Variants in THAP8 observed in about 807,000 individuals in gnomAD.
The protein encoded by THAP8 is THAP domain-containing protein 8.
THAP8 carries 24 observed loss-of-function variants against 25.0 expected under a neutral mutation model. That is an observed-to-expected ratio of 0.96 (90% confidence interval 0.69 to 1.35). The LOEUF is 1.35. THAP8 is among the 40% of genes most tolerant of loss of function. The pLI is 0.00. For missense variants in THAP8, 399 were observed against 368.8 expected (o/e 1.08, Z -0.67); for synonymous variants, 169 against 157.6 (o/e 1.07, Z -0.54).
chr19:36,048,519 C>T (rs1969950263), intron 1 of THAP8, among the ~76,000 whole-genome samples: 1 of 152,094 alleles, frequency 6.6e-6, no homozygotes, highest in Non-Finnish European at 1.5e-5. Flanking sequence ...GCGTGTGCCA[C>T]CACGCCTGGC....
Position 36,035,605 on chromosome 19 carries a change from A to G in THAP8, c.673-13T>C. 6.2e-7 allele frequency: 1 copy of G among 1,609,262 alleles called. No individual in the cohort carries two copies. The highest frequency in any genetic ancestry group is 8.5e-7 in the Non-Finnish European group (1 of 1,176,232). ...TCTGGGCTGTTGTCTAAGGCAAAGA[A>G]GTGGTAGAGATGGGGAACATTACGA... On this transcript the variant is annotated splice_polypyrimidine_tract_variant and intron_variant, in intron 3 of 3. Transcript: ENST00000292894.
intron 1 of THAP8, 96 bp downstream of exon 1, chr19:36,054,039 A>T (rs1363756461): frequency 2.1e-6 from 3 of 1,403,968 alleles, no homozygotes; most frequent in Non-Finnish European, 2.9e-6. Context: ...AACACCCTCA[A>T]GCAAGACCAG....
intron 3 of THAP8, among the ~76,000 whole-genome samples, chr19:36,037,933 C>T (rs780363090): frequency 3.3e-5 from 5 of 151,948 alleles, no homozygotes; most frequent in Middle Eastern, 3.4e-3. Flanking sequence ...CCACCACACC[C>T]GGCCTTTTTT....
In THAP8 at chr19:36,039,544, G is replaced by C; in HGVS notation, c.451C>G (p.Leu151Val). The stretch of plus-strand genomic sequence containing the variant: ...CGCTCAGGAGTTGGCGCAGGGGCCA[G>C]GGGGGTCAGGAGCATGGTGGCCACA... Reference protein sequence around the residue: ...KTVATMLLTPLAPAPTPERSQ... With the variant: ...KTVATMLLTPVAPAPTPERSQ... Residue 151 changes from leucine (L) to valine (V), a missense_variant, in exon 3 of 4, where the codon CTG becomes GTG. Coordinates refer to ENST00000292894, the MANE Select transcript of THAP8 (RefSeq NM_152658.3). 1 of 1,534,444 alleles carries C rather than the reference G, an allele frequency of 6.5e-7. No homozygotes were observed. Among genetic ancestry groups the C allele is most frequent in the Non-Finnish European group, 8.8e-7 (1 of 1,136,446 alleles).
intron 1 of THAP8, among the ~76,000 whole-genome samples, chr19:36,053,174 T>A (rs999752613): frequency 6.6e-6 from 1 of 151,944 alleles, no homozygotes; most frequent in Non-Finnish European, 1.5e-5. Flanking sequence ...TTCATGCGAT[T>A]CTCCTGCCTC....
chr19:36,044,166 C>T (rs1329229917), intron 1 of THAP8, among the ~76,000 whole-genome samples: 1 of 152,152 alleles, frequency 6.6e-6, no homozygotes, highest in African/African-American at 2.4e-5. Flanking sequence ...TCCTTAGCAG[C>T]TGCCAGAAAC....
Position 36,048,076 on chromosome 19 carries a change from A to G in THAP8, c.83+6059T>C, listed in dbSNP as rs1404133490. Among the ~76,000 whole-genome samples the G allele has an allele frequency of 2.0e-5, 3 of 152,190 alleles. No individual in the cohort carries two copies. The East Asian group carries it at 5.8e-4, about 29-fold the overall frequency. ...TGAAAGTGACACAGGCCACTTCTAAATATGAAATTGACCAAGAGCCACTGG... is the reference window on the plus strand; with the variant it reads ...TGAAAGTGACACAGGCCACTTCTAAGTATGAAATTGACCAAGAGCCACTGG... On this transcript the variant is annotated intron_variant, in intron 1 of 3. Transcript: ENST00000292894.
chr19:36,053,073 A>AT (rs940837997), intron 1 of THAP8, among the ~76,000 whole-genome samples: 5 of 149,898 alleles, frequency 3.3e-5, no homozygotes, highest in Non-Finnish European at 3.0e-5. Flanking sequence ...TAAAAACAAA[A>AT]TTTTTTTTTT....
intron 1 of THAP8, 59 bp downstream of exon 1, chr19:36,054,076 C>A: frequency 1.3e-6 from 2 of 1,568,704 alleles, no homozygotes; most frequent in South Asian, 2.3e-5. Flanking sequence ...CACTAATGCT[C>A]GGGCCCCACC....
chr19:36,053,322 C>A (rs1318412840), intron 1 of THAP8, among the ~76,000 whole-genome samples: 3 of 142,970 alleles, frequency 2.1e-5, no homozygotes, highest in Non-Finnish European at 4.5e-5. Context: ...CCCGCCTCGG[C>A]CTCCCAAAGT....
chr19:36,045,716 G>C (rs1039027207), intron 1 of THAP8: 7 of 456,240 alleles, frequency 1.5e-5, no homozygotes, highest in Non-Finnish European at 2.6e-5. Context: ...CAGAAAAGAA[G>C]AGAGGGCAAT....
intron 1 of THAP8, among the ~76,000 whole-genome samples, chr19:36,040,855 C>T (rs1317545157): frequency 2.6e-5 from 4 of 152,076 alleles, no homozygotes; most frequent in Admixed American, 2.6e-4. Context: ...ACGTTTCTTC[C>T]ACACCATATA....
chr19:36,042,327 T>TGC (rs1214533715), intron 1 of THAP8, among the ~76,000 whole-genome samples: 7 of 151,968 alleles, frequency 4.6e-5, no homozygotes, highest in Admixed American at 6.6e-5. Context: ...TTTGCACACC[T>TGC]GCGTTCGTAG....
At chr19:36,041,147 C>CAAA (rs748148358) in intron 1 of THAP8, among the ~76,000 whole-genome samples, 2 of 106,314 alleles carry the variant, frequency 1.9e-5, no homozygotes, top group Non-Finnish European at 4.0e-5. Context: ...CTCGACTCTA[C>CAAA]AAAAAAAAAA....
intron 1 of THAP8, among the ~76,000 whole-genome samples, chr19:36,041,200 T>C (rs1969681754): frequency 6.6e-6 from 1 of 151,170 alleles, no homozygotes. Context: ...TAGTCCCAGC[T>C]ACTCGGGAGG....
chr19:36,050,148 CTTAT>C (rs1237451324), intron 1 of THAP8, among the ~76,000 whole-genome samples: 1 of 150,364 alleles, frequency 6.7e-6, no homozygotes, highest in African/African-American at 2.4e-5. Flanking sequence ...TTCCTTATTT[CTTAT>C]TTATTTATTT....
chr19:36,038,199 T>G (rs909745825), intron 3 of THAP8, among the ~76,000 whole-genome samples: 1 of 152,166 alleles, frequency 6.6e-6, no homozygotes, highest in African/African-American at 2.4e-5. Flanking sequence ...TGCCTTGGTC[T>G]CCCAAAGTGC....
intron 1 of THAP8, among the ~76,000 whole-genome samples, chr19:36,051,760 A>G (rs1970060877): frequency 6.6e-6 from 1 of 152,158 alleles, no homozygotes; most frequent in Non-Finnish European, 1.5e-5. Context: ...TAGAGATACC[A>G]TAGGCCAGGG....
chr19:36,053,058 C>G (rs1248780783), intron 1 of THAP8, among the ~76,000 whole-genome samples: 2 of 151,948 alleles, frequency 1.3e-5, no homozygotes, highest in Non-Finnish European at 2.9e-5. Context: ...TCCCATCTCT[C>G]TCTTTAAAAA....
Sources: gnomAD v4.1 joint callset for allele counts (sites outside exome capture counted in the v4.1 genomes callset) on GRCh38, gnomAD v4.1.1 for gene constraint, MANE v1.5 for transcripts, NCBI Gene and HGNC (gene_info 2026-07-23, HGNC 2026-07-21) for gene names.